Variants in UNC5A observed in about 807,000 individuals in gnomAD.
UNC5A encodes unc-5 netrin receptor A.
In UNC5A, 20 loss-of-function variants were observed where a neutral mutation model predicts 87.4. The ratio of observed to expected loss-of-function variants is 0.23; its 90% CI spans 0.16 to 0.33. The LOEUF (loss-of-function observed/expected upper bound fraction) is 0.33. UNC5A is among the 10% of genes least tolerant of loss of function. The probability of loss-of-function intolerance (pLI) is 1.00; values close to 1 mark genes in which losing one functional copy is unlikely to be tolerated. For missense variants in UNC5A, 844 were observed against 1,133.4 expected, an observed-to-expected ratio of 0.74 and a Z score of 3.67; for synonymous variants, 438 against 482.3, an observed-to-expected ratio of 0.91 and a Z score of 1.20.
chr5:176,811,740 G>A (rs1461528451), intron 1 of UNC5A, among the ~76,000 whole-genome samples: 1 of 152,048 alleles, frequency 6.6e-6, no homozygotes, highest in Non-Finnish European at 1.5e-5. Context: ...TGTCTGTGGT[G>A]GTGGGGGGTG....
Position 176,865,736 on chromosome 5 carries a change from G to A in UNC5A, c.293-2394G>A, listed in dbSNP as rs907141427. ...TGGTCAGACAGGTATGGCAGGGCTC[G>A]GAGGCCCACCCAGCTCTGCAGCCCA... On this transcript the variant is annotated intron_variant, in intron 2 of 14. Coordinates refer to ENST00000329542, the MANE Select transcript of UNC5A (RefSeq NM_133369.3). This position sits in a 1 kb window ranked among gnomAD's most constrained non-coding sequence, Gnocchi z 5.3. 9 of 454,406 alleles carry A rather than the reference G, an allele frequency of 2.0e-5. No individual in the cohort carries two copies. Among genetic ancestry groups the A allele is most frequent in the Middle Eastern group, 3.3e-4 (1 of 3,060 alleles). 28.1% of individuals were successfully genotyped at this position (454,406 alleles called of 1,614,324 possible).
intron 1 of UNC5A, among the ~76,000 whole-genome samples, chr5:176,827,179 C>CTTTTTTT (rs35306601): frequency 6.5e-5 from 7 of 107,578 alleles, no homozygotes; most frequent in Non-Finnish European, 1.2e-4. Flanking sequence ...TGCTTCATTC[C>CTTTTTTT]TTTTTTTTTT....
At chr5:176,822,596 G>A (rs1417954191) in intron 1 of UNC5A, among the ~76,000 whole-genome samples, 1 of 152,216 alleles carries the variant, frequency 6.6e-6, no homozygotes, top group African/African-American at 2.4e-5. Context: ...GCAGAGAGGT[G>A]GCAGAGGCCA....
intron 6 of UNC5A, among the ~76,000 whole-genome samples, chr5:176,872,685 AC>A (rs1480272421): frequency 1.7e-4 from 10 of 58,652 alleles, no homozygotes; most frequent in East Asian, 5.7e-4. Context: ...GCCCACACTC[AC>A]CCCACACCAC....
rs548794492 is a variant in UNC5A at position 176,845,954 on chromosome 5, A to C, written c.71-16670A>C. 8.2e-3 allele frequency among the ~76,000 whole-genome samples: 1,255 copies of C among 152,326 alleles called. 12 individuals are homozygous for C. The highest frequency in any genetic ancestry group is 0.028 in the African/African-American group (1,172 of 41,584). On this transcript the variant is annotated intron_variant, in intron 1 of 14. Coordinates refer to ENST00000329542, the MANE Select transcript of UNC5A (RefSeq NM_133369.3). ...GAGCCAACAAAGGGCTGGGTGCTGC[A>C]TGGTGAGTGAAAGGGACAGTGGCCT...
chr5:176,873,132 A>C (rs867482142), intron 6 of UNC5A, among the ~76,000 whole-genome samples: 18 of 138,902 alleles, frequency 1.3e-4, no homozygotes, highest in Non-Finnish European at 2.3e-4. Flanking sequence ...ACACTCACCC[A>C]ACACCACAGC....
intron 1 of UNC5A, among the ~76,000 whole-genome samples, chr5:176,851,494 G>A (rs1295645617): frequency 1.3e-5 from 2 of 152,254 alleles, no homozygotes; most frequent in Non-Finnish European, 2.9e-5. Flanking sequence ...ATGTGGGACA[G>A]GGTCTTTAAT....
chr5:176,850,611 G>A (rs572982898), intron 1 of UNC5A, among the ~76,000 whole-genome samples: 3 of 152,282 alleles, frequency 2.0e-5, no homozygotes, highest in African/African-American at 4.8e-5. Flanking sequence ...CCACAGAAGC[G>A]GGGCCTCAGG....
chr5:176,825,336 G>A (rs1298934297), intron 1 of UNC5A, among the ~76,000 whole-genome samples: 1 of 152,176 alleles, frequency 6.6e-6, no homozygotes, highest in African/African-American at 2.4e-5. Context: ...GTGTGTGTAA[G>A]GTTTTGAGCA....
chr5:176,853,572 T>C (rs986979365), intron 1 of UNC5A, among the ~76,000 whole-genome samples: 1 of 152,256 alleles, frequency 6.6e-6, no homozygotes, highest in South Asian at 2.1e-4. Context: ...GACACCTTCA[T>C]GCACACGTTA....
In UNC5A at chr5:176,865,227, C is replaced by A. The variant is rs572208194; in HGVS notation, c.292+2382C>A. ...GGGAAAGCACAGCCAGAGAGCTGCT[C>A]TCCTGCAGCCTGGAAGCTCCAGTCC... On this transcript the variant is annotated intron_variant, in intron 2 of 14. Coordinates refer to ENST00000329542, the MANE Select transcript of UNC5A (RefSeq NM_133369.3). This position sits in a 1 kb window ranked among gnomAD's most constrained non-coding sequence, Gnocchi z 5.3. Among the ~76,000 whole-genome samples the A allele has an allele frequency of 6.6e-6, 1 of 152,338 alleles. No individual in the cohort carries two copies. The highest frequency in any genetic ancestry group is 2.1e-4 in the South Asian group (1 of 4,830).
In UNC5A at chr5:176,866,680, CCTT is replaced by C. The variant is rs573485992; in HGVS notation, c.293-1449_293-1447del. Among the ~76,000 whole-genome samples the C allele has an allele frequency of 1.7e-3, 266 of 152,306 alleles. 2 individuals are homozygous for C. The highest frequency in any genetic ancestry group is 6.0e-3 in the African/African-American group (248 of 41,560). On this transcript the variant is annotated intron_variant, in intron 2 of 14. Transcript: ENST00000329542. The surrounding 1 kb of genome is among the most constrained non-coding windows in gnomAD (Gnocchi z 5.0). The stretch of plus-strand genomic sequence containing the variant: ...GAGTGGAGGGCCCCTCCCCAGATCT[CCTT>C]ATCAGATGCCCTAAGTCACATTGAA...
In UNC5A at chr5:176,880,125, G is replaced by A; in HGVS notation, c.*239G>A. 1 of 541,660 alleles carries A rather than the reference G, an allele frequency of 1.8e-6. No homozygotes were observed. Among genetic ancestry groups the A allele is most frequent in the East Asian group, 3.3e-5 (1 of 30,674 alleles). The allele number at this position is 541,660 out of a possible 1,614,324, so 33.6% of individuals were successfully genotyped here. On this transcript the variant is annotated 3_prime_UTR_variant, in exon 15 of 15. Coordinates refer to ENST00000329542, the MANE Select transcript of UNC5A (RefSeq NM_133369.3). ...TCGGCCCCAGGGCCCAGGAGGGACA[G>A]TGCCTGGAGCCTGGGCCAGGCCCAG... is the stretch of plus-strand genomic sequence containing the variant.
chr5:176,836,667 G>A (rs190809735), intron 1 of UNC5A, among the ~76,000 whole-genome samples: 61 of 152,214 alleles, frequency 4.0e-4, no homozygotes, highest in Middle Eastern at 3.4e-3. Flanking sequence ...GAAAGGGCTC[G>A]GAGAAGGGAG....
intron 1 of UNC5A, among the ~76,000 whole-genome samples, chr5:176,858,919 G>C (rs951098860): frequency 2.0e-5 from 3 of 152,162 alleles, no homozygotes; most frequent in African/African-American, 4.8e-5. Context: ...GGACACCGAG[G>C]GGGGGACAGA....
chr5:176,829,724 T>C (rs1416238317), intron 1 of UNC5A, among the ~76,000 whole-genome samples: 2 of 152,022 alleles, frequency 1.3e-5, no homozygotes, highest in South Asian at 2.1e-4. Context: ...CCTTGCCATA[T>C]TGGGCATCCT....
Position 176,875,248 on chromosome 5 carries a change from C to A in UNC5A, c.1378+682C>A, listed in dbSNP as rs1338213154. On this transcript the variant is annotated intron_variant, in intron 8 of 14. Coordinates refer to ENST00000329542, the MANE Select transcript of UNC5A (RefSeq NM_133369.3). This position sits in a 1 kb window ranked among gnomAD's most constrained non-coding sequence, Gnocchi z 5.2. Reference sequence around the variant, plus strand: ...ATAACTCCCACTCCCCCATCCTTAGCCTGCAGTTCTCCCGGGCGACAGAAC... The same window carrying A: ...ATAACTCCCACTCCCCCATCCTTAGACTGCAGTTCTCCCGGGCGACAGAAC... Among the ~76,000 whole-genome samples, 2 of 152,150 alleles carry A rather than the reference C, an allele frequency of 1.3e-5. No individual in the cohort carries two copies. Among genetic ancestry groups the A allele is most frequent in the Non-Finnish European group, 2.9e-5 (2 of 68,022 alleles).
chr5:176,814,854 G>T lies in UNC5A; in HGVS notation c.70+4034G>T, dbSNP rs115748615. On this transcript the variant is annotated intron_variant, in intron 1 of 14. Transcript: ENST00000329542. The stretch of plus-strand genomic sequence containing the variant: ...GCTCTCTTTGCAGGCAGGGAGGGCT[G>T]CTATTGCTGGGGACAGGGAGAGATG... Among the ~76,000 whole-genome samples, 597 of 152,324 alleles carry T rather than the reference G, an allele frequency of 3.9e-3. 3 individuals are homozygous for T. Among genetic ancestry groups the T allele is most frequent in the African/African-American group, 0.013 (556 of 41,566 alleles).
intron 13 of UNC5A, 40 bp downstream of exon 13, chr5:176,878,679 C>T (rs1758330622): frequency 1.9e-6 from 3 of 1,581,292 alleles, no homozygotes; most frequent in Admixed American, 1.7e-5. Context: ...GACGTGCTCC[C>T]ACTACCAACT....
Sources: gnomAD v4.1 joint callset for allele counts (sites outside exome capture counted in the v4.1 genomes callset) on GRCh38, gnomAD v4.1.1 for gene constraint, Gnocchi (gnomAD v3.1) non-coding constraint, MANE v1.5 for transcripts, NCBI Gene and HGNC (gene_info 2026-07-23, HGNC 2026-07-21) for gene names.